The following MR1 variants were observed in gnomAD, a reference collection of about 807,000 sequenced individuals.
The protein encoded by MR1 is major histocompatibility complex, class I-related, also known as major histocompatibility complex class I-related protein 1.
In MR1, 44 loss-of-function variants were observed where a neutral mutation model predicts 37.8. The observed-to-expected ratio is 1.16, with a 90% CI of 0.91 to 1.50. MR1 has a LOEUF of 1.50. Ranked by LOEUF, MR1 falls within the 40% of genes most tolerant of loss-of-function variation. MR1 has a pLI of 0.00. For synonymous variants in MR1, 153 were observed against 155.8 expected (o/e 0.98, Z 0.13); for missense variants, 386 against 419.1 (o/e 0.92, Z 0.69).
intron 1 of MR1, among the ~76,000 whole-genome samples, chr1:181,048,517 A>G (rs1571392237): frequency 6.6e-6 from 1 of 151,328 alleles, no homozygotes; most frequent in Non-Finnish European, 1.5e-5. Flanking sequence ...CCTGGGCAAC[A>G]GAGCAAGACT....
At chr1:181,042,259 G>A (rs1055566353) in intron 1 of MR1, among the ~76,000 whole-genome samples, 1 of 148,092 alleles carries the variant, frequency 6.8e-6, no homozygotes, top group South Asian at 2.1e-4. Context: ...CTGGAGTGCA[G>A]TGGCGCGATC....
intron 5 of MR1, among the ~76,000 whole-genome samples, chr1:181,054,870 A>AAAAAG (rs769088387): frequency 3.9e-5 from 6 of 152,130 alleles, no homozygotes; most frequent in Admixed American, 1.3e-4. Flanking sequence ...TCAAAAAAGA[A>AAAAAG]AAAAGAAAAG....
chr1:181,059,753 T>G lies in MR1; in HGVS notation c.*4488T>G, dbSNP rs1416003842. The G allele has an allele frequency of 6.6e-6, 1 of 152,190 alleles. No homozygotes were observed. The highest frequency in any genetic ancestry group is 1.5e-5 in the Non-Finnish European group (1 of 68,038). The allele number at this position is 152,190 out of a possible 1,614,324, so 9.4% of individuals were successfully genotyped here. The stretch of plus-strand genomic sequence containing the variant: ...TAATCTAATCTTGGAAGTCACAAAA[T>G]GTCATTCTTGTGATACTCTCATTGG... On this transcript the variant is annotated 3_prime_UTR_variant, in exon 6 of 6. Transcript: ENST00000367580.
intron 3 of MR1, 25 bp from the exon 4 acceptor site, chr1:181,052,210 T>C (rs775439388): frequency 6.2e-7 from 1 of 1,609,646 alleles, no homozygotes; most frequent in Admixed American, 1.7e-5. Flanking sequence ...GGCACTTTGA[T>C]TTAACTTTAG....
At chr1:181,044,452 G>A (rs1558114910) in intron 1 of MR1, among the ~76,000 whole-genome samples, 3 of 152,174 alleles carry the variant, frequency 2.0e-5, no homozygotes, top group Non-Finnish European at 2.9e-5. Context: ...GTGTTGTGTA[G>A]TACAGCTCTT....
chr1:181,033,869 C>CTT, upstream of MR1: 4 of 563,608 alleles, frequency 7.1e-6, no homozygotes, highest in East Asian at 3.5e-5. Context: ...TTCATTTTAT[C>CTT]TTTTTTTTTT....
At position 181,055,726 on chromosome 1, in the gene MR1, A is replaced by G. The variant is rs1658577303; in HGVS notation, c.*461A>G. 5.8e-6 allele frequency: 1 copy of G among 173,274 alleles called. No individual in the cohort carries two copies. The allele number at this position is 173,274 out of a possible 1,614,324, so 10.7% of individuals were successfully genotyped here. ...GCCTTTCTCATTCATCTTTCATGGG[A>G]ACATTTATTGTACAAGCGCTTTGAA... is the stretch of plus-strand genomic sequence containing the variant. On this transcript the variant is annotated 3_prime_UTR_variant, in exon 6 of 6. Transcript: ENST00000367580.
chr1:181,050,391 T>C (rs1438980287), intron 3 of MR1, 105 bp downstream of exon 3: 4 of 1,441,914 alleles, frequency 2.8e-6, no homozygotes, highest in Admixed American at 1.9e-5. Context: ...AAGCCATCTC[T>C]TTAGTTGGCC....
chr1:181,055,040 C>T (rs1384470788), intron 5 of MR1, among the ~76,000 whole-genome samples, 185 bp from the exon 6 acceptor site: 1 of 152,114 alleles, frequency 6.6e-6, no homozygotes, highest in Non-Finnish European at 1.5e-5. Flanking sequence ...ACTGTGAGTT[C>T]CTGCTTTTTA....
Position 181,052,223 on chromosome 1 carries a change from T to G in MR1, c.605-12T>G, listed in dbSNP as rs200517429. On this transcript the variant is annotated splice_polypyrimidine_tract_variant and intron_variant, in intron 3 of 5. Coordinates refer to ENST00000367580, the MANE Select transcript of MR1 (RefSeq NM_001385161.1). ...AAGGCACTTTGATTTAACTTTAGCT[T>G]CTTCTTCCTAGAGCCCCCACTGGTC... The G allele has an allele frequency of 1.5e-5, 24 of 1,611,420 alleles. No individual in the cohort carries two copies. The highest frequency in any genetic ancestry group is 1.3e-4 in the East Asian group (6 of 44,848).
Position 181,049,093 on chromosome 1 carries a change from C to A in MR1, c.109C>A (p.Pro37Thr). ...LRYFRLGVSD[P>T]IHGVPEFISV... ...ATATTTTCGCCTGGGCGTTTCGGATCCCATCCATGGGGTCCCTGAATTTAT... is the reference window on the plus strand; with the variant it reads ...ATATTTTCGCCTGGGCGTTTCGGATACCATCCATGGGGTCCCTGAATTTAT... Residue 37 changes from proline (P) to threonine (T), a missense_variant, in exon 2 of 6, where the codon CCC (proline) becomes ACC (threonine). Coordinates refer to ENST00000367580, the MANE Select transcript of MR1 (RefSeq NM_001385161.1). The A allele has an allele frequency of 1.9e-6, 3 of 1,614,080 alleles. No individual in the cohort carries two copies. The highest frequency in any genetic ancestry group is 2.5e-6 in the Non-Finnish European group (3 of 1,179,914).
chr1:181,046,151 G>A (rs917249887), intron 1 of MR1, among the ~76,000 whole-genome samples: 2 of 152,144 alleles, frequency 1.3e-5, no homozygotes, highest in African/African-American at 2.4e-5. Flanking sequence ...GAGCCTCCCC[G>A]ATGAGCGCCA....
intron 1 of MR1, among the ~76,000 whole-genome samples, chr1:181,043,572 C>CAT (rs10645954): frequency 0.3 from 44,950 of 151,882 alleles, 7,598 homozygotes; most frequent in African/African-American, 0.47. Context: ...GAAGTGGTGA[C>CAT]GTGCTTATAA....
At chr1:181,035,149 A>C (rs1424838474) in intron 1 of MR1, among the ~76,000 whole-genome samples, 1 of 151,920 alleles carries the variant, frequency 6.6e-6, no homozygotes, top group Non-Finnish European at 1.5e-5. Context: ...AAAATACAAA[A>C]AATTAGCTCG....
At chr1:181,053,438 C>A in intron 4 of MR1, 135 bp from the exon 5 acceptor site, 1 of 617,540 alleles carries the variant, frequency 1.6e-6, no homozygotes, top group Non-Finnish European at 2.9e-6. Context: ...CATTAGTGGT[C>A]AGATTGATGA....
At chr1:181,049,811 C>CAGT (rs1658194872) in intron 2 of MR1, 200 bp from the exon 3 acceptor site, 11 of 602,730 alleles carry the variant, frequency 1.8e-5, no homozygotes, top group Admixed American at 2.9e-5. Flanking sequence ...CTTTGACAGG[C>CAGT]AGTAGGTACT....
At chr1:181,037,168 T>C (rs1410354297) in intron 1 of MR1, 1 of 152,212 alleles carries the variant, frequency 6.6e-6, no homozygotes, top group Non-Finnish European at 1.5e-5. Flanking sequence ...GCTATATCAA[T>C]CTACTTCATG....
intron 1 of MR1, among the ~76,000 whole-genome samples, chr1:181,042,084 G>A (rs994384648): frequency 1.3e-5 from 2 of 151,978 alleles, no homozygotes; most frequent in African/African-American, 4.8e-5. Context: ...AAACTTTCCA[G>A]ATGTGAAAAA....
rs61809221 is a variant in MR1, at chr1:181,049,089, G to A, written c.105G>A (p.Ser35=). Residue 35 remains serine (S), a synonymous_variant, in exon 2 of 6, where the codon TCG becomes TCA. Transcript: ENST00000367580. ...HSLRYFRLGV[S]DPIHGVPEFI... ...TGAGATATTTTCGCCTGGGCGTTTC[G>A]GATCCCATCCATGGGGTCCCTGAAT... The A allele has an allele frequency of 7.2e-5, 117 of 1,614,024 alleles. No homozygotes were observed. The highest frequency in any genetic ancestry group is 3.3e-4 in the Admixed American group (20 of 60,012).
Sources: allele counts gnomAD v4.1 joint callset (sites outside exome capture counted in the v4.1 genomes callset), GRCh38; gene constraint gnomAD v4.1.1; transcripts MANE v1.5; gene names NCBI Gene and HGNC (gene_info 2026-07-23, HGNC 2026-07-21).